The following PLCB2 variants were observed in gnomAD, a reference collection of about 807,000 sequenced individuals.
PLCB2 encodes the protein phospholipase C beta 2, also known as 1-phosphatidylinositol 4,5-bisphosphate phosphodiesterase beta-2.
In PLCB2, 115 loss-of-function variants were observed where a neutral mutation model predicts 141.7. The ratio of observed to expected loss-of-function variants is 0.81; its 90% confidence interval spans 0.70 to 0.95. The LOEUF (loss-of-function observed/expected upper bound fraction) is 0.95, where lower values mean the gene tolerates loss of function less well. Ranked by LOEUF, PLCB2 falls within the 40% of genes least tolerant of loss-of-function variation. The pLI, the probability that PLCB2 is intolerant of heterozygous loss-of-function variation, is 0.00. For missense variants in PLCB2, 1,403 were observed against 1,541.1 expected, an observed-to-expected ratio of 0.91 and a Z score of 1.50; for synonymous variants, 603 against 595.6, an observed-to-expected ratio of 1.01 and a Z score of -0.18.
Position 40,295,051 on chromosome 15 carries a change from C to T in PLCB2, c.1791G>A (p.Lys597=). 5 of 1,612,666 alleles carry T rather than the reference C, an allele frequency of 3.1e-6. No individual in the cohort carries two copies. Among genetic ancestry groups the T allele is most frequent in the Non-Finnish European group, 4.2e-6 (5 of 1,178,886 alleles). Residue 597 remains lysine, a synonymous_variant, in exon 18 of 32, where the codon AAG becomes AAA. Coordinates refer to ENST00000260402, the MANE Select transcript of PLCB2 (RefSeq NM_004573.3). ...TGGGGTAAATGCGGCTCATCTGGCG[C>T]TTGTTGTAGCTGTCCCTGAGTTTAG... ...KASVQFVDYN[K]RQMSRIYPKG...
At position 40,299,216 on chromosome 15, in the gene PLCB2, T is replaced by C. The variant is rs1353751636; in HGVS notation, c.595A>G (p.Asn199Asp). 1.9e-6 allele frequency: 3 copies of C among 1,612,526 alleles called. No homozygotes were observed. The highest frequency in any genetic ancestry group is 2.5e-6 in the Non-Finnish European group (3 of 1,178,472). ...ACAGGTTCTGGGAAGTCCTCAGGAT[T>C]GATGGCGTCATTCTAGGGGCATAGT... The part of the protein sequence containing the change: ...HLPKGKNDAI[N>D]PEDFPEPVYK... Residue 199 changes from asparagine to aspartate, a missense_variant, in exon 8 of 32, where the codon AAT (asparagine) becomes GAT (aspartate). Physicochemically the swap from Asn to Asp is conservative, Grantham distance 23 (BLOSUM62 1). This residue lies in a region of PLCB2 where 975 missense variants were observed against 1,141.1 expected (regional missense o/e 0.85). Transcript: ENST00000260402.
chr15:40,290,955 G>T, intron 27 of PLCB2, 63 bp downstream of exon 27: 1 of 1,512,720 alleles, frequency 6.6e-7, no homozygotes, highest in East Asian at 2.4e-5. Flanking sequence ...AGGGGCGAAT[G>T]GGGTCCATGG....
chr15:40,288,196 G>A lies in PLCB2; in HGVS notation c.*519C>T. 7.1e-6 allele frequency: 7 copies of A among 985,726 alleles called. No individual in the cohort carries two copies. Among genetic ancestry groups the A allele is most frequent in the Non-Finnish European group, 8.4e-6 (7 of 830,148 alleles). The allele number at this position is 985,726 out of a possible 1,614,324, so 61.1% of individuals were successfully genotyped here. A position where few individuals can be genotyped will look rare whatever the true frequency, so the allele number is the denominator to read the frequency against. On this transcript the variant is annotated 3_prime_UTR_variant, in exon 32 of 32. Transcript: ENST00000260402. ...AGGGGAGGGGAGGGCCCTCAGCCAGGGAGTGGCCGTCCCCAGGGAGCTGTG... is the reference window on the plus strand; with the variant it reads ...AGGGGAGGGGAGGGCCCTCAGCCAGAGAGTGGCCGTCCCCAGGGAGCTGTG...
Position 40,294,925 on chromosome 15 carries a change from A to C in PLCB2, c.1906+11T>G. ...AGGGAAGGATTCTTAGGGGCCTGGGAATGCCCTCACCCATCGTCTGGAAGT... is the reference window on the plus strand; with the variant it reads ...AGGGAAGGATTCTTAGGGGCCTGGGCATGCCCTCACCCATCGTCTGGAAGT... On this transcript the variant is annotated intron_variant, in intron 18 of 31. Coordinates refer to ENST00000260402, the MANE Select transcript of PLCB2 (RefSeq NM_004573.3). The C allele has an allele frequency of 6.2e-7, 1 of 1,614,014 alleles. No individual in the cohort carries two copies. The highest frequency in any genetic ancestry group is 8.5e-7 in the Non-Finnish European group (1 of 1,179,922).
At chr15:40,299,045 C>T (rs2040379745) in intron 8 of PLCB2, 81 bp from the exon 9 acceptor site, 9 of 1,579,054 alleles carry the variant, frequency 5.7e-6, no homozygotes. Context: ...GTGAAGCCTC[C>T]TGACTCCCGG....
Position 40,307,646 on chromosome 15 carries a change from C to T in PLCB2, c.27G>A (p.Leu9=). MSLLNPVL[L]PPKVKAYLSQ... ...TCAGATAGGCCTTCACCTTGGGGGGCAGCAGGACAGGGTTGAGCAGAGACA... is the reference window on the plus strand; with the variant it reads ...TCAGATAGGCCTTCACCTTGGGGGGTAGCAGGACAGGGTTGAGCAGAGACA... The change falls in exon 1 of 32, where the codon CTG becomes CTA. Residue 9 remains leucine (L), a synonymous_variant. Transcript: ENST00000260402. 1.3e-6 allele frequency: 2 copies of T among 1,581,798 alleles called. No homozygotes were observed. The highest frequency in any genetic ancestry group is 8.6e-7 in the Non-Finnish European group (1 of 1,162,050).
intron 29 of PLCB2, 143 bp downstream of exon 29, chr15:40,290,434 A>G: frequency 1.4e-6 from 1 of 714,804 alleles, no homozygotes. Context: ...CACTCTGATC[A>G]AAGGTGACAG....
rs745510083 is a variant in PLCB2 at position 40,296,745 on chromosome 15, C to T, written c.1486+1G>A. ...CCCCACCATAGTCCTCCCCGACTCA[C>T]CTGTGCCCTCACCTGCAGGGGCACT... On this transcript the variant is annotated splice_donor_variant, in intron 14 of 31. Coordinates refer to ENST00000260402, the MANE Select transcript of PLCB2 (RefSeq NM_004573.3). LOFTEE classifies it high-confidence loss of function. 3.7e-6 allele frequency: 6 copies of T among 1,612,750 alleles called. No individual in the cohort carries two copies. In the East Asian group the frequency reaches 6.7e-5, roughly 18 times the overall value.
At chr15:40,305,859 G>A (rs1381658500) in intron 1 of PLCB2, among the ~76,000 whole-genome samples, 2 of 152,220 alleles carry the variant, frequency 1.3e-5, no homozygotes, top group Non-Finnish European at 2.9e-5. Flanking sequence ...AGCAGGACCA[G>A]CAGGGAATCC....
rs1566895729 is a variant in PLCB2 at position 40,307,610 on chromosome 15, C to T, written c.63G>A (p.Glu21=). ...PKVKAYLSQG[E]RFIKWDDETT... is the part of the protein sequence containing the mutation. ...TTACATCATCCCATTTGATGAAGCG[C>T]TCCCCTTGGCTCAGATAGGCCTTCA... The change falls in exon 1 of 32, where the codon GAG becomes GAA. Residue 21 remains glutamate, a synonymous_variant. Coordinates refer to ENST00000260402, the MANE Select transcript of PLCB2 (RefSeq NM_004573.3). 1.9e-6 allele frequency: 3 copies of T among 1,588,236 alleles called. No homozygotes were observed. Among genetic ancestry groups the T allele is most frequent in the Non-Finnish European group, 2.6e-6 (3 of 1,165,630 alleles).
Position 40,288,841 on chromosome 15 carries a change from G to A in PLCB2, c.3432C>T (p.Ala1144=). 1 of 1,614,090 alleles carries A rather than the reference G, an allele frequency of 6.2e-7. No homozygotes were observed. Among genetic ancestry groups the A allele is most frequent in the Admixed American group, 1.7e-5 (1 of 60,028 alleles). ...LEAEVKESVR[A]CLRTCFPSEA... ...CGGAGGGAAAGCAGGTCCTGAGGCA[G>A]GCCCTCACCGACTCCTTCACCTCTG... Residue 1144 remains alanine, a synonymous_variant, in exon 32 of 32, where the codon GCC becomes GCT. Coordinates refer to ENST00000260402, the MANE Select transcript of PLCB2 (RefSeq NM_004573.3).
intron 7 of PLCB2, among the ~76,000 whole-genome samples, chr15:40,299,947 G>A (rs983622366): frequency 6.6e-6 from 1 of 152,208 alleles, no homozygotes; most frequent in African/African-American, 2.4e-5. Context: ...AATATAATTT[G>A]TAGTTAGAGA....
chr15:40,302,825 G>C (rs527609192), intron 3 of PLCB2, among the ~76,000 whole-genome samples: 1 of 152,346 alleles, frequency 6.6e-6, no homozygotes, highest in African/African-American at 2.4e-5. Flanking sequence ...CCAAGATGGC[G>C]GGCAGGCGGG....
chr15:40,303,166 C>T, intron 3 of PLCB2, 122 bp downstream of exon 3: 1 of 760,756 alleles, frequency 1.3e-6, no homozygotes, highest in East Asian at 2.5e-5. Flanking sequence ...CCTTGCTGCC[C>T]AGCCAAGGAA....
intron 27 of PLCB2, 87 bp downstream of exon 27, chr15:40,290,931 G>T: frequency 1.4e-6 from 2 of 1,405,466 alleles, no homozygotes; most frequent in Non-Finnish European, 1.9e-6. Context: ...CGGTGAGGGG[G>T]TTGGGTCGGT....
chr15:40,304,031 GC>G lies in PLCB2; in HGVS notation c.131del (p.Gly44AlafsTer53). 1.3e-6 allele frequency: 2 copies of G among 1,599,090 alleles called. No individual in the cohort carries two copies. Among genetic ancestry groups the G allele is most frequent in the Non-Finnish European group, 1.7e-6 (2 of 1,172,836 alleles). The part of the protein sequence containing the change: ...SPVILRVDPK[G>X]YYLYWTYQSK... ...TTTGATACGTCCAGTATAAGTAGTA[GC>G]CCTTAGGATCCACACGGAGGATAAC... On this transcript the variant is annotated frameshift_variant, in exon 2 of 32. Transcript: ENST00000260402. LOFTEE classifies it high-confidence loss of function.
intron 16 of PLCB2, among the ~76,000 whole-genome samples, chr15:40,295,975 T>A (rs2040190613): frequency 6.6e-6 from 1 of 152,144 alleles, no homozygotes; most frequent in Non-Finnish European, 1.5e-5. Flanking sequence ...AAGTCTCATG[T>A]CCCACGGCCA....
downstream of PLCB2, among the ~76,000 whole-genome samples, chr15:40,286,305 G>A (rs907440242): frequency 2.0e-5 from 3 of 152,088 alleles, no homozygotes; most frequent in Non-Finnish European, 2.9e-5. Flanking sequence ...CTGGCAGAAG[G>A]GCTCCCTCCC....
At position 40,289,964 on chromosome 15, in the gene PLCB2, A is replaced by AGTGT. The variant is rs878937284; in HGVS notation, c.3267+60_3267+61insACAC. 6 of 577,346 alleles carry AGTGT rather than the reference A, an allele frequency of 1.0e-5. No homozygotes were observed. The African/African-American group carries it at 1.0e-4, about 10-fold the overall frequency. 35.8% of individuals were successfully genotyped at this position (577,346 alleles called of 1,614,324 possible). On this transcript the variant is annotated intron_variant, in intron 30 of 31. Transcript: ENST00000260402. ...GAGAGAGAGAGAGAGAGAGAGAGAG[A>AGTGT]GAGAGTGTGTGTGTGTGTGTGTGTG...
Sources: allele counts gnomAD v4.1 joint callset (sites outside exome capture counted in the v4.1 genomes callset), GRCh38; gene constraint gnomAD v4.1.1; regional missense constraint gnomAD v4.1.1; transcripts MANE v1.5; gene names NCBI Gene and HGNC (gene_info 2026-07-23, HGNC 2026-07-21).